The following SPRY4 variants were observed in gnomAD, a reference collection of about 807,000 sequenced individuals.
SPRY4 encodes sprouty RTK signaling antagonist 4.
A neutral mutation model predicts 17.0 loss-of-function variants in SPRY4; 7 were observed. The observed-to-expected ratio is 0.41, with a 90% CI of 0.23 to 0.77. The LOEUF is 0.77. Ranked by LOEUF, SPRY4 falls within the 30% of genes least tolerant of loss-of-function variation. The pLI, the probability that SPRY4 is intolerant of heterozygous loss-of-function variation, is 0.32. For synonymous variants in SPRY4, 183 were observed against 174.1 expected (o/e 1.05, Z -0.40); for missense variants, 435 against 419.9 (o/e 1.04, Z -0.31).
intron 1 of SPRY4, chr5:142,316,949 T>C: frequency 1.0e-6 from 1 of 977,908 alleles, no homozygotes; most frequent in Non-Finnish European, 1.2e-6. Flanking sequence ...CACGCCTTGT[T>C]TTTCCTGTCT....
chr5:142,314,881 C>T lies in SPRY4; in HGVS notation c.228G>A (p.Pro76=), dbSNP rs373229909. ...CATCCTGGTCACAGCGGGCGGGCGT[C>T]GGGGCCAGCTCTGGGGCCCCGCCCC... ...RTRGGAPELA[P]TPARCDQDVT... Residue 76 remains proline (P), a synonymous_variant, in exon 2 of 2, where the codon CCG becomes CCA. Transcript: ENST00000434127. The surrounding 1 kb of genome is among the most constrained non-coding windows in gnomAD (Gnocchi z 4.8). 99 of 1,599,392 alleles carry T rather than the reference C, an allele frequency of 6.2e-5. No individual in the cohort carries two copies. Among genetic ancestry groups the T allele is most frequent in the Middle Eastern group, 1.7e-4 (1 of 5,926 alleles).
chr5:142,316,564 A>G (rs960579310), intron 1 of SPRY4, among the ~76,000 whole-genome samples: 1 of 151,910 alleles, frequency 6.6e-6, no homozygotes, highest in Non-Finnish European at 1.5e-5. Flanking sequence ...AAACAAAACC[A>G]AAAAAAGGCC....
At chr5:142,319,922 G>A (rs1596872386) in intron 1 of SPRY4, 1 of 846,970 alleles carries the variant, frequency 1.2e-6, no homozygotes, top group East Asian at 2.9e-5. Flanking sequence ...AAACCTGACA[G>A]TTGTACTTTG....
chr5:142,313,390 T>C lies in SPRY4; in HGVS notation c.*819A>G, dbSNP rs967433255. ...GCTTCCTCTACCCATATAAAGTTTC[T>C]GGAAGGGATCTGAGTAGAGAGAACC... On this transcript the variant is annotated 3_prime_UTR_variant, in exon 2 of 2. Coordinates refer to ENST00000434127, the MANE Select transcript of SPRY4 (RefSeq NM_001127496.3). 5.9e-5 allele frequency: 9 copies of C among 152,526 alleles called. No homozygotes were observed. The highest frequency in any genetic ancestry group is 2.2e-4 in the African/African-American group (9 of 41,396). 9.4% of individuals were successfully genotyped at this position (152,526 alleles called of 1,614,324 possible). A position where few individuals can be genotyped will look rare whatever the true frequency, so the allele number is the denominator to read the frequency against.
intron 1 of SPRY4, chr5:142,318,204 G>T: frequency 1.0e-6 from 1 of 983,616 alleles, no homozygotes; most frequent in Non-Finnish European, 1.2e-6. Context: ...AAGAAAGAAG[G>T]CCTGGCGCAG....
At chr5:142,315,256 A>AT in intron 1 of SPRY4, 101 bp from the exon 2 acceptor site, 1 of 716,384 alleles carries the variant, frequency 1.4e-6, no homozygotes, top group Non-Finnish European at 2.3e-6. Context: ...GAGCCGCCCA[A>AT]TTGACATAGG....
In SPRY4 at chr5:142,314,921, C is replaced by A; in HGVS notation, c.188G>T (p.Gly63Val). Residue 63 changes from glycine to valine, a missense_variant, in exon 2 of 2, where the codon GGC (glycine) becomes GTC (valine). Physicochemically the swap from Gly to Val is moderately radical, Grantham distance 109 (BLOSUM62 -3). Coordinates refer to ENST00000434127, the MANE Select transcript of SPRY4 (RefSeq NM_001127496.3). The surrounding 1 kb of genome is among the most constrained non-coding windows in gnomAD (Gnocchi z 4.8). The part of the protein sequence containing the change: ...IDNPSLALTT[G>V]PKRTRGGAPE... ...GGCCCCGCCCCGGGTCCGCTTTGGGCCGGTGGTCAGGGCCAGGCTAGGGTT... is the reference window on the plus strand; with the variant it reads ...GGCCCCGCCCCGGGTCCGCTTTGGGACGGTGGTCAGGGCCAGGCTAGGGTT... 6.2e-7 allele frequency: 1 copy of A among 1,612,188 alleles called. No individual in the cohort carries two copies. Among genetic ancestry groups the A allele is most frequent in the Non-Finnish European group, 8.5e-7 (1 of 1,178,492 alleles).
chr5:142,314,598 C>A lies in SPRY4; in HGVS notation c.511G>T (p.Ala171Ser). 1 of 1,614,244 alleles carries A rather than the reference C, an allele frequency of 6.2e-7. No individual in the cohort carries two copies. Among genetic ancestry groups the A allele is most frequent in the Non-Finnish European group, 8.5e-7 (1 of 1,180,030 alleles). Residue 171 changes from alanine (A) to serine (S), a missense_variant, in exon 2 of 2, where the codon GCA becomes TCA. Ala to Ser is a moderately conservative substitution (Grantham distance 99). Coordinates refer to ENST00000434127, the MANE Select transcript of SPRY4 (RefSeq NM_001127496.3). This position sits in a 1 kb window ranked among gnomAD's most constrained non-coding sequence, Gnocchi z 4.8. ...CAGGAAGGCAACGTCCGGGGGGATGCACACTCCTTGCATTTACACTTCCCA... is the reference window on the plus strand; with the variant it reads ...CAGGAAGGCAACGTCCGGGGGGATGAACACTCCTTGCATTTACACTTCCCA... Reference protein sequence around the residue: ...ACGKCKCKECASPRTLPSCWV... With the variant: ...ACGKCKCKECSSPRTLPSCWV...
intron 1 of SPRY4, among the ~76,000 whole-genome samples, chr5:142,320,711 G>A (rs1223249768): frequency 6.6e-6 from 1 of 152,160 alleles, no homozygotes; most frequent in Non-Finnish European, 1.5e-5. Context: ...CCAGGTCTGG[G>A]TGGGACCAGA....
At chr5:142,315,898 C>T (rs564777312) in intron 1 of SPRY4, 2 of 152,314 alleles carry the variant, frequency 1.3e-5, no homozygotes, top group African/African-American at 2.4e-5. Context: ...GTGAACTCAA[C>T]AGACAGCTCT....
At chr5:142,319,908 G>A (rs1759290008) in intron 1 of SPRY4, 2 of 952,162 alleles carry the variant, frequency 2.1e-6, no homozygotes, top group Admixed American at 3.3e-5. Context: ...GGGAAATATT[G>A]GGAAAACCTG....
Position 142,314,313 on chromosome 5 carries a change from C to T in SPRY4, c.796G>A (p.Asp266Asn), listed in dbSNP as rs1225402949. 1.4e-5 allele frequency: 23 copies of T among 1,613,798 alleles called. No homozygotes were observed. Among genetic ancestry groups the T allele is most frequent in the Non-Finnish European group, 1.9e-5 (23 of 1,179,972 alleles). Reference protein sequence around the residue: ...GCVKLAQRGYDRLRRPGCRCK... With the variant: ...GCVKLAQRGYNRLRRPGCRCK... ...CGGCAACCAGGGCGGCGCAGACGGT[C>T]GTAGCCACGCTGGGCCAGCTTCACG... Residue 266 changes from aspartate to asparagine, a missense_variant, in exon 2 of 2, where the codon GAC becomes AAC. Asp to Asn is a conservative substitution (Grantham distance 23). Transcript: ENST00000434127. The surrounding 1 kb of genome is among the most constrained non-coding windows in gnomAD (Gnocchi z 4.8).
intron 1 of SPRY4, among the ~76,000 whole-genome samples, chr5:142,316,563 C>CA (rs200298219): frequency 7.4e-4 from 112 of 151,724 alleles, no homozygotes; most frequent in African/African-American, 2.6e-3. Context: ...AAAACAAAAC[C>CA]AAAAAAAGGC....
chr5:142,310,494 T>G lies in SPRY4; in HGVS notation c.*3715A>C, dbSNP rs1231696398. On this transcript the variant is annotated 3_prime_UTR_variant, in exon 2 of 2. Transcript: ENST00000434127. ...ATTTTCTAAATCAGTACATTCAGTT[T>G]TTAACTTGTTTTTTTCTTCACAAAC... 29 of 152,634 alleles carry G rather than the reference T, an allele frequency of 1.9e-4. No individual in the cohort carries two copies. Among genetic ancestry groups the G allele is most frequent in the Admixed American group, 1.8e-3 (28 of 15,284 alleles). The allele number at this position is 152,634 out of a possible 1,614,324, so 9.5% of individuals were successfully genotyped here. A position where few individuals can be genotyped will look rare whatever the true frequency, so the allele number is the denominator to read the frequency against.
rs567744150 is a variant in SPRY4 at position 142,312,337 on chromosome 5, C to T, written c.*1872G>A. ...AAATGCAGATGCAATATTTCACATT[C>T]GCCTTTTACAAGCTAGCAAATGTTA... On this transcript the variant is annotated 3_prime_UTR_variant, in exon 2 of 2. Coordinates refer to ENST00000434127, the MANE Select transcript of SPRY4 (RefSeq NM_001127496.3). 4.6e-5 allele frequency: 7 copies of T among 152,598 alleles called. No homozygotes were observed. Among genetic ancestry groups the T allele is most frequent in the African/African-American group, 9.7e-5 (4 of 41,424 alleles). 9.5% of individuals were successfully genotyped at this position (152,598 alleles called of 1,614,324 possible). A position where few individuals can be genotyped will look rare whatever the true frequency, so the allele number is the denominator to read the frequency against.
chr5:142,316,195 T>C (rs1759145812), intron 1 of SPRY4, among the ~76,000 whole-genome samples: 1 of 151,900 alleles, frequency 6.6e-6, no homozygotes, highest in Non-Finnish European at 1.5e-5. Context: ...CCTGGATCAG[T>C]TTCTAATTTC....
intron 1 of SPRY4, among the ~76,000 whole-genome samples, chr5:142,316,573 C>A (rs1759160556): frequency 6.6e-6 from 1 of 152,066 alleles, no homozygotes; most frequent in African/African-American, 2.4e-5. Flanking sequence ...CAAAAAAAGG[C>A]CATTGCATTA....
At chr5:142,319,657 T>C in intron 1 of SPRY4, 1 of 1,519,212 alleles carries the variant, frequency 6.6e-7, no homozygotes. Context: ...GATATCAAAA[T>C]CCCCAGAACA....
intron 1 of SPRY4, chr5:142,317,803 A>C (rs1014899046): frequency 3.0e-5 from 30 of 985,224 alleles, no homozygotes; most frequent in Non-Finnish European, 3.6e-5. Flanking sequence ...GGCAATGGGG[A>C]TGTTGGCATT....
Sources: gnomAD v4.1 joint callset for allele counts (sites outside exome capture counted in the v4.1 genomes callset) on GRCh38, gnomAD v4.1.1 for gene constraint, Gnocchi (gnomAD v3.1) non-coding constraint, MANE v1.5 for transcripts, NCBI Gene and HGNC (gene_info 2026-07-23, HGNC 2026-07-21) for gene names.